The following OLFM2 variants were observed in gnomAD, a reference collection of about 807,000 sequenced individuals.
OLFM2 encodes noelin-2.
A neutral mutation model predicts 43.9 loss-of-function variants in OLFM2; 20 were observed. That is an observed-to-expected ratio of 0.46 (90% CI 0.32 to 0.66). The LOEUF (loss-of-function observed/expected upper bound fraction) is 0.66, where lower values mean the gene tolerates loss of function less well. OLFM2 is among the 30% of genes least tolerant of loss of function. OLFM2 has a pLI of 0.04. For synonymous variants in OLFM2, 268 were observed against 278.6 expected (o/e 0.96, Z 0.38); for missense variants, 416 against 643.6 (o/e 0.65, Z 3.83).
intron 1 of OLFM2, among the ~76,000 whole-genome samples, chr19:9,871,701 A>C (rs1374763011): frequency 6.6e-6 from 1 of 152,054 alleles, no homozygotes. Flanking sequence ...GTCCTCCTCC[A>C]AGCCCTGATC....
chr19:9,900,945 GGGAA>G (rs762692609), intron 1 of OLFM2, among the ~76,000 whole-genome samples: 238 of 18,936 alleles, frequency 0.013, 5 homozygotes, highest in Non-Finnish European at 0.019. Context: ...GGGAGGGAAG[GGGAA>G]GGAAGGAAGG....
Position 9,857,000 on chromosome 19 carries a change from G to A in OLFM2, c.581-87C>T. ...AAAGATGAAGTGCTGTGATCAAGTT[G>A]GGAAAGCTGGGACCAGGGATGAGGG... On this transcript the variant is annotated intron_variant, in intron 4 of 5. Transcript: ENST00000264833. This position sits in a 1 kb window ranked among gnomAD's most constrained non-coding sequence, Gnocchi z 4.0. The A allele has an allele frequency of 8.8e-7, 1 of 1,134,594 alleles. No individual in the cohort carries two copies. Among genetic ancestry groups the A allele is most frequent in the East Asian group, 2.6e-5 (1 of 38,670 alleles). The allele number at this position is 1,134,594 out of a possible 1,614,324, so 70.3% of individuals were successfully genotyped here.
intron 1 of OLFM2, among the ~76,000 whole-genome samples, chr19:9,918,570 A>G (rs1387096006): frequency 1.3e-5 from 2 of 152,202 alleles, no homozygotes; most frequent in Non-Finnish European, 2.9e-5. Context: ...AGACCTAAAC[A>G]TGAATATTCA....
At position 9,854,225 on chromosome 19, in the gene OLFM2, G is replaced by A. The variant is rs2145426001; in HGVS notation, c.1326C>T (p.Val442=). The change falls in exon 6 of 6, where the codon GTC becomes GTT. Residue 442 remains valine (V), a synonymous_variant. Coordinates refer to ENST00000264833, the MANE Select transcript of OLFM2 (RefSeq NM_058164.4). This position sits in a 1 kb window ranked among gnomAD's most constrained non-coding sequence, Gnocchi z 9.5. ...WNNGHQVLYN[V]TLFHVISTSG... The stretch of plus-strand genomic sequence containing the variant: ...AGGTGCTGATGACGTGAAACAGGGT[G>A]ACATTGTAGAGCACCTGGTGGCCGT... The A allele has an allele frequency of 1.2e-6, 2 of 1,614,168 alleles. No homozygotes were observed. Among genetic ancestry groups the A allele is most frequent in the East Asian group, 4.5e-5 (2 of 44,876 alleles).
intron 1 of OLFM2, among the ~76,000 whole-genome samples, chr19:9,862,685 A>G (rs1490725766): frequency 8.6e-5 from 13 of 151,604 alleles, no homozygotes; most frequent in Admixed American, 8.5e-4. Context: ...CATCTCTTAA[A>G]AAAAACAGGC....
intron 1 of OLFM2, among the ~76,000 whole-genome samples, chr19:9,885,424 C>T (rs564014931): frequency 1.3e-5 from 2 of 152,312 alleles, no homozygotes; most frequent in East Asian, 3.9e-4. Context: ...CTCCTATGAC[C>T]CCCCTCGTTA....
chr19:9,897,644 C>T (rs944710026), intron 1 of OLFM2, among the ~76,000 whole-genome samples: 6 of 152,268 alleles, frequency 3.9e-5, no homozygotes, highest in South Asian at 2.1e-4. Context: ...AGCTCCCTCC[C>T]GGTCTCAGTA....
intron 1 of OLFM2, among the ~76,000 whole-genome samples, chr19:9,912,620 G>A (rs1159778927): frequency 6.6e-6 from 1 of 151,936 alleles, no homozygotes; most frequent in Non-Finnish European, 1.5e-5. Flanking sequence ...GGACACCACG[G>A]GGAGAACCCC....
chr19:9,886,684 T>C (rs2046590021), intron 1 of OLFM2, among the ~76,000 whole-genome samples: 2 of 152,096 alleles, frequency 1.3e-5, no homozygotes, highest in South Asian at 4.2e-4. Context: ...TCCAGGACCA[T>C]CCCTGATGCA....
rs1023134969 is a variant in OLFM2 at position 9,854,618 on chromosome 19, G to A, written c.933C>T (p.Asn311=). Residue 311 remains asparagine (N), a synonymous_variant, in exon 6 of 6, where the codon AAC becomes AAT. Transcript: ENST00000264833. The surrounding 1 kb of genome is among the most constrained non-coding windows in gnomAD (Gnocchi z 9.5). The part of the protein sequence containing the change: ...QRSLPGAGYN[N]TFPYSWGGFS... ...AGCCGCCCCAGGAGTAGGGGAAGGT[G>A]TTGTTGTAACCGGCGCCCGGGAGGC... 6 of 1,614,144 alleles carry A rather than the reference G, an allele frequency of 3.7e-6. No homozygotes were observed. The highest frequency in any genetic ancestry group is 1.7e-5 in the Admixed American group (1 of 60,024).
At chr19:9,911,917 A>G (rs2046830489) in intron 1 of OLFM2, among the ~76,000 whole-genome samples, 1 of 152,204 alleles carries the variant, frequency 6.6e-6, no homozygotes, top group Non-Finnish European at 1.5e-5. Context: ...ATATGCACAC[A>G]TGCAATCTTG....
intron 1 of OLFM2, among the ~76,000 whole-genome samples, chr19:9,897,632 T>C (rs1368537971): frequency 6.6e-6 from 1 of 152,190 alleles, no homozygotes; most frequent in African/African-American, 2.4e-5. Flanking sequence ...CCTCAGGGGC[T>C]GAGCTCCCTC....
intron 1 of OLFM2, 150 bp downstream of exon 1, chr19:9,936,154 C>T: frequency 2.5e-6 from 2 of 803,496 alleles, no homozygotes; most frequent in Non-Finnish European, 3.8e-6. Context: ...GTGCACGTCC[C>T]GGCCCCTCCC....
chr19:9,906,516 G>A (rs767932186), intron 1 of OLFM2, among the ~76,000 whole-genome samples: 1 of 152,086 alleles, frequency 6.6e-6, no homozygotes, highest in Non-Finnish European at 1.5e-5. Flanking sequence ...TTCTGATCAC[G>A]ACAGCAGCAC....
chr19:9,908,251 A>G (rs2046799516), intron 1 of OLFM2, among the ~76,000 whole-genome samples: 1 of 152,038 alleles, frequency 6.6e-6, no homozygotes, highest in Non-Finnish European at 1.5e-5. Context: ...TAGCCTCCTG[A>G]GTAGCTGGGA....
chr19:9,881,827 T>G (rs932892221), intron 1 of OLFM2, among the ~76,000 whole-genome samples: 3 of 151,904 alleles, frequency 2.0e-5, no homozygotes, highest in Non-Finnish European at 4.4e-5. Flanking sequence ...CAGACATGAG[T>G]CATGTTGGAT....
chr19:9,890,860 A>C (rs1043519115), intron 1 of OLFM2, among the ~76,000 whole-genome samples: 10 of 152,202 alleles, frequency 6.6e-5, no homozygotes, highest in Non-Finnish European at 1.2e-4. Context: ...AGGCTGAGGC[A>C]GGAGGATTGT....
intron 1 of OLFM2, among the ~76,000 whole-genome samples, chr19:9,894,565 C>T (rs2046666954): frequency 6.6e-6 from 1 of 151,484 alleles, no homozygotes; most frequent in South Asian, 2.1e-4. Flanking sequence ...CAAAATTAGC[C>T]AGGTGTGGTG....
intron 1 of OLFM2, among the ~76,000 whole-genome samples, chr19:9,872,531 A>AAG (rs1555724929): frequency 4.6e-4 from 69 of 150,540 alleles, no homozygotes; most frequent in Middle Eastern, 3.4e-3. Context: ...AAAAAAAAAA[A>AAG]ATATTAGTTC....
Sources: gnomAD v4.1 joint callset for allele counts (sites outside exome capture counted in the v4.1 genomes callset) on GRCh38, gnomAD v4.1.1 for gene constraint, Gnocchi (gnomAD v3.1) non-coding constraint, MANE v1.5 for transcripts, NCBI Gene and HGNC (gene_info 2026-07-23, HGNC 2026-07-21) for gene names.